The following TEX9 variants were observed in gnomAD, a reference collection of about 807,000 sequenced individuals.
TEX9 encodes testis-expressed protein 9.
In TEX9, 74 loss-of-function variants were observed where a neutral mutation model predicts 59.6. That is an observed-to-expected ratio of 1.24 (90% CI 1.03 to 1.51). The LOEUF (loss-of-function observed/expected upper bound fraction) is 1.51, where lower values mean the gene tolerates loss of function less well. Ranked by LOEUF, TEX9 falls within the 40% of genes most tolerant of loss-of-function variation. The pLI is 0.00. For missense variants in TEX9, 522 were observed against 447.8 expected, an observed-to-expected ratio of 1.17 and a Z score of -1.49; for synonymous variants, 186 against 152.2, an observed-to-expected ratio of 1.22 and a Z score of -1.64.
At chr15:56,352,194 T>C (rs1480364211) in intron 1 of TEX9, among the ~76,000 whole-genome samples, 1 of 152,162 alleles carries the variant, frequency 6.6e-6, no homozygotes, top group African/African-American at 2.4e-5. Flanking sequence ...AGGAGTGGGT[T>C]GGAAAGTGTT....
At chr15:56,250,206 G>T (rs988174958) in intron 1 of TEX9, among the ~76,000 whole-genome samples, 3 of 152,158 alleles carry the variant, frequency 2.0e-5, no homozygotes, top group Admixed American at 1.3e-4. Flanking sequence ...CCTAGTGGTG[G>T]ATGCTATATA....
intron 9 of TEX9, among the ~76,000 whole-genome samples, chr15:56,402,936 C>G (rs756209599): frequency 1.3e-5 from 2 of 152,154 alleles, no homozygotes; most frequent in African/African-American, 4.8e-5. Flanking sequence ...ATTCAACAGC[C>G]TTACATGCTA....
chr15:56,454,467 T>A, the TEX9 span, among the ~76,000 whole-genome samples: 1 of 152,176 alleles, frequency 6.6e-6, no homozygotes, highest in African/African-American at 2.4e-5. Flanking sequence ...ATTTTTTTTG[T>A]ACCCAGGTAA....
At chr15:56,434,141 G>T (rs764180946) in intron 12 of TEX9, 31 of 1,606,818 alleles carry the variant, frequency 1.9e-5, no homozygotes, top group Non-Finnish European at 2.5e-5. Flanking sequence ...TTCTTACTTT[G>T]TCTGCAAGGA....
intron 9 of TEX9, among the ~76,000 whole-genome samples, chr15:56,400,561 T>C (rs1284836479): frequency 2.6e-5 from 4 of 152,264 alleles, no homozygotes; most frequent in African/African-American, 4.8e-5. Flanking sequence ...AAAACACTCT[T>C]CAGGATATTT....
chr15:56,406,407 T>A lies in TEX9; in HGVS notation c.829-5895T>A, dbSNP rs149871999. 3.9e-4 allele frequency among the ~76,000 whole-genome samples: 59 copies of A among 152,310 alleles called. 1 individual carries two copies. The highest frequency in any genetic ancestry group is 1.1e-3 in the African/African-American group (46 of 41,592). On this transcript the variant is annotated intron_variant, in intron 9 of 12. Transcript: ENST00000352903. The stretch of plus-strand genomic sequence containing the variant: ...AGTGTGGGCTATTAAAAATCCACAG[T>A]GAATTTCCATGTACAAGTATTCTGT...
intron 1 of TEX9, among the ~76,000 whole-genome samples, chr15:56,283,202 C>G (rs190762676): frequency 2.3e-4 from 35 of 151,964 alleles, no homozygotes; most frequent in African/African-American, 8.0e-4. Flanking sequence ...TGCTTTATAT[C>G]CTTTATATTA....
intron 1 of TEX9, among the ~76,000 whole-genome samples, chr15:56,276,147 T>G (rs1596059985): frequency 6.6e-6 from 1 of 151,660 alleles, no homozygotes; most frequent in South Asian, 2.1e-4. Context: ...TTCTCTAAAC[T>G]TTTTTTTTAA....
rs531556710 is a variant in TEX9 at position 56,271,103 on chromosome 15, A to G, written c.-107+26825A>G. Among the ~76,000 whole-genome samples the G allele has an allele frequency of 1.8e-3, 281 of 152,092 alleles. 1 individual carries two copies. In the Middle Eastern group the frequency reaches 0.024, roughly 13 times the overall value. On this transcript the variant is annotated intron_variant, in intron 1 of 5. Transcript: ENST00000560827. ...CATTTCAACCTTGGTGAATCTGACA[A>G]TTATGTGTCTTGGGGTTGCTCTTCT...
intron 3 of TEX9, chr15:56,374,502 G>T (rs1440313777): frequency 6.6e-6 from 1 of 152,008 alleles, no homozygotes; most frequent in Non-Finnish European, 1.5e-5. Context: ...ATGGAAAATG[G>T]GGTATCCATC....
intron 9 of TEX9, among the ~76,000 whole-genome samples, chr15:56,401,969 C>A (rs111634438): frequency 0.031 from 4,780 of 152,236 alleles, 184 homozygotes; most frequent in East Asian, 0.093. Context: ...ATCTCTGAGA[C>A]ACATTTAAAG....
intron 2 of TEX9, among the ~76,000 whole-genome samples, chr15:56,367,218 G>A (rs2046986060): frequency 6.6e-6 from 1 of 151,922 alleles, no homozygotes; most frequent in African/African-American, 2.4e-5. Flanking sequence ...TACTTGTTCT[G>A]TTATCTGTAC....
At chr15:56,288,120 C>G (rs1468892621) in intron 1 of TEX9, among the ~76,000 whole-genome samples, 4 of 152,150 alleles carry the variant, frequency 2.6e-5, no homozygotes, top group Non-Finnish European at 5.9e-5. Flanking sequence ...AATGGTTGCA[C>G]TATTCATAGT....
At chr15:56,365,362 T>A (rs890698382), upstream of TEX9, 3 of 1,515,296 alleles carry the variant, frequency 2.0e-6, no homozygotes, top group Admixed American at 4.1e-5. Context: ...TGGGAAGGCG[T>A]AGGCGCCCGG....
chr15:56,244,970 G>C (rs2043812628), intron 1 of TEX9, among the ~76,000 whole-genome samples: 1 of 152,170 alleles, frequency 6.6e-6, no homozygotes, highest in African/African-American at 2.4e-5. Context: ...GCACCAAATG[G>C]AACAGCTGTT....
intron 1 of TEX9, among the ~76,000 whole-genome samples, chr15:56,252,298 T>C (rs1368803669): frequency 6.6e-6 from 1 of 151,742 alleles, no homozygotes; most frequent in Non-Finnish European, 1.5e-5. Context: ...TAATCTTCTC[T>C]ATATCTCCAA....
chr15:56,338,746 A>T (rs906995045), intron 1 of TEX9, among the ~76,000 whole-genome samples: 1 of 151,312 alleles, frequency 6.6e-6, no homozygotes, highest in African/African-American at 2.4e-5. Context: ...GTGAAAGCCC[A>T]TCTCTACTAA....
At chr15:56,449,965 C>T (rs897042889), downstream of TEX9, among the ~76,000 whole-genome samples, 17 of 152,122 alleles carry the variant, frequency 1.1e-4, no homozygotes, top group African/African-American at 3.6e-4. Flanking sequence ...ACCAAGGGGT[C>T]GTCAATTTTA....
chr15:56,416,963 A>T (rs904466998), intron 10 of TEX9, among the ~76,000 whole-genome samples: 5 of 151,700 alleles, frequency 3.3e-5, no homozygotes, highest in African/African-American at 1.2e-4. Context: ...GAATTTGTCC[A>T]TCTCTTCTAG....
Sources: gnomAD v4.1 joint callset for allele counts (sites outside exome capture counted in the v4.1 genomes callset) on GRCh38, gnomAD v4.1.1 for gene constraint, MANE v1.5 for transcripts, NCBI Gene and HGNC (gene_info 2026-07-23, HGNC 2026-07-21) for gene names.